The following SCYL2 variants were observed in gnomAD, a reference collection of about 807,000 sequenced individuals.
The protein encoded by SCYL2 is SCY1 like pseudokinase 2.
A neutral mutation model predicts 100.4 loss-of-function variants in SCYL2; 36 were observed. That is an observed-to-expected ratio of 0.36 (90% confidence interval 0.27 to 0.47). The LOEUF (loss-of-function observed/expected upper bound fraction) is 0.47, where lower values mean the gene tolerates loss of function less well. Among genes scored for constraint, SCYL2 ranks in the 20% least tolerant of loss-of-function variants. The pLI is 1.00. For synonymous variants in SCYL2, 330 were observed against 359.2 expected (o/e 0.92, Z 0.92); for missense variants, 902 against 1,083.9 (o/e 0.83, Z 2.36).
chr12:100,326,275 C>T (rs1407693078), intron 11 of SCYL2, among the ~76,000 whole-genome samples: 1 of 152,008 alleles, frequency 6.6e-6, no homozygotes, highest in Non-Finnish European at 1.5e-5. Flanking sequence ...GAATGTAGTC[C>T]TTTTTATTAT....
chr12:100,308,869 T>C (rs2096338127), intron 4 of SCYL2, among the ~76,000 whole-genome samples: 1 of 152,132 alleles, frequency 6.6e-6, no homozygotes, highest in African/African-American at 2.4e-5. Context: ...CTTTCTGCTG[T>C]TACAGGGTAG....
intron 6 of SCYL2, among the ~76,000 whole-genome samples, chr12:100,312,890 G>C (rs969213882): frequency 6.6e-6 from 1 of 152,190 alleles, no homozygotes; most frequent in Non-Finnish European, 1.5e-5. Flanking sequence ...GACCCAAGGC[G>C]GGTGGATCAC....
At chr12:100,331,096 G>A (rs947868110) in intron 13 of SCYL2, among the ~76,000 whole-genome samples, 1 of 152,064 alleles carries the variant, frequency 6.6e-6, no homozygotes, top group Admixed American at 6.5e-5. Flanking sequence ...AAAGTGCTGG[G>A]ATTACAGGCA....
chr12:100,271,760 T>G (rs775901425), intron 1 of SCYL2, among the ~76,000 whole-genome samples: 1 of 151,954 alleles, frequency 6.6e-6, no homozygotes, highest in Non-Finnish European at 1.5e-5. Flanking sequence ...TGCTTTATAA[T>G]ATTTTATTCT....
Position 100,291,492 on chromosome 12 carries a change from CT to C in SCYL2, c.178-7del. The C allele has an allele frequency of 6.8e-7, 1 of 1,473,468 alleles. No individual in the cohort carries two copies. Among genetic ancestry groups the C allele is most frequent in the Non-Finnish European group, 9.2e-7 (1 of 1,091,718 alleles). The allele number at this position is 1,473,468 out of a possible 1,614,324, so 91.3% of individuals were successfully genotyped here. A position where few individuals can be genotyped will look rare whatever the true frequency, so the allele number is the denominator to read the frequency against. ...ATTTCTTGACTAAAATTACACAATT[CT>C]TTTATTTAGGAAGTGGCAGTTTTTG... On this transcript the variant is annotated splice_polypyrimidine_tract_variant and intron_variant, in intron 2 of 17. Transcript: ENST00000360820.
At chr12:100,271,245 C>T (rs1185715405) in intron 1 of SCYL2, among the ~76,000 whole-genome samples, 1 of 130,206 alleles carries the variant, frequency 7.7e-6, no homozygotes, top group Non-Finnish European at 1.6e-5. Context: ...GTTAGCCCTG[C>T]TCCTTGCAGA....
At position 100,311,068 on chromosome 12, in the gene SCYL2, C is replaced by A; in HGVS notation, c.505C>A (p.His169Asn). The A allele has an allele frequency of 6.3e-7, 1 of 1,596,492 alleles. No individual in the cohort carries two copies. Among genetic ancestry groups the A allele is most frequent in the African/African-American group, 1.3e-5 (1 of 74,218 alleles). The part of the protein sequence containing the change: ...LQVSEGLSFL[H>N]SSVKMVHGNI... ...GGTTTCTGAAGGATTGTCATTCTTG[C>A]ATAGCAGTGTGAAAATGGTGCATGG... The change falls in exon 5 of 18, where the codon CAT becomes AAT. Residue 169 changes from histidine to asparagine, a missense_variant. By Grantham distance (68) the His-to-Asn change is moderately conservative. Transcript: ENST00000360820.
intron 2 of SCYL2, among the ~76,000 whole-genome samples, 171 bp from the exon 3 acceptor site, chr12:100,291,332 T>C (rs2096310367): frequency 6.6e-6 from 1 of 152,212 alleles, no homozygotes; most frequent in South Asian, 2.1e-4. Flanking sequence ...GTTTTACACC[T>C]TTTAAAATGT....
At chr12:100,282,507 G>A (rs1303274646) in intron 1 of SCYL2, among the ~76,000 whole-genome samples, 1 of 151,596 alleles carries the variant, frequency 6.6e-6, no homozygotes, top group Non-Finnish European at 1.5e-5. Context: ...TGTATTTTTG[G>A]TAGAGATGGC....
intron 17 of SCYL2, 76 bp downstream of exon 17, chr12:100,337,582 T>C (rs1253210695): frequency 1.5e-6 from 2 of 1,318,052 alleles, no homozygotes; most frequent in African/African-American, 1.5e-5. Context: ...CTTAGTCTAC[T>C]AGTATTTGTA....
At chr12:100,277,466 G>A (rs371874338) in intron 1 of SCYL2, among the ~76,000 whole-genome samples, 3 of 152,222 alleles carry the variant, frequency 2.0e-5, no homozygotes, top group African/African-American at 7.2e-5. Context: ...ATTTAGTATT[G>A]TTATGTCTTT....
chr12:100,313,014 A>C (rs920323988), intron 6 of SCYL2, among the ~76,000 whole-genome samples: 12 of 152,090 alleles, frequency 7.9e-5, no homozygotes, highest in African/African-American at 2.9e-4. Context: ...AGTCCCAGCT[A>C]CTTGGAAGGC....
chr12:100,268,701 A>G (rs1427016720), intron 1 of SCYL2, among the ~76,000 whole-genome samples: 1 of 152,158 alleles, frequency 6.6e-6, no homozygotes, highest in Non-Finnish European at 1.5e-5. Context: ...AGACAGATCA[A>G]CCCTGTTACT....
In SCYL2 at chr12:100,335,605, A is replaced by G. The variant is rs1952265249; in HGVS notation, c.1863-20A>G. The G allele has an allele frequency of 2.0e-6, 3 of 1,532,746 alleles. No homozygotes were observed. The highest frequency in any genetic ancestry group is 1.8e-6 in the Non-Finnish European group (2 of 1,126,040). 94.9% of individuals were successfully genotyped at this position (1,532,746 alleles called of 1,614,324 possible). ...ATGCATTTCTTTTTATTGTTTTATCATAATTCAACTCTCCTACAGATCTTT... is the reference window on the plus strand; with the variant it reads ...ATGCATTTCTTTTTATTGTTTTATCGTAATTCAACTCTCCTACAGATCTTT... On this transcript the variant is annotated intron_variant, in intron 14 of 17. Coordinates refer to ENST00000360820, the MANE Select transcript of SCYL2 (RefSeq NM_017988.6).
At chr12:100,319,561 C>T (rs758075045) in intron 10 of SCYL2, among the ~76,000 whole-genome samples, 2 of 152,184 alleles carry the variant, frequency 1.3e-5, no homozygotes, top group African/African-American at 2.4e-5. Context: ...CTTTGTTTTT[C>T]CAGGCTGGAG....
At chr12:100,321,021 C>G (rs958877350) in intron 10 of SCYL2, among the ~76,000 whole-genome samples, 1 of 152,166 alleles carries the variant, frequency 6.6e-6, no homozygotes, top group African/African-American at 2.4e-5. Flanking sequence ...CTTGACCTCC[C>G]ACGCTCTCTC....
At chr12:100,320,527 G>A (rs558732057) in intron 10 of SCYL2, among the ~76,000 whole-genome samples, 9 of 151,270 alleles carry the variant, frequency 5.9e-5, no homozygotes, top group Admixed American at 3.3e-4. Flanking sequence ...CAGCCTGGGC[G>A]ACAGAGTGAG....
At chr12:100,315,290 A>AGAG (rs2096347126) in intron 8 of SCYL2, among the ~76,000 whole-genome samples, 1 of 152,170 alleles carries the variant, frequency 6.6e-6, no homozygotes, top group Admixed American at 6.5e-5. Context: ...AAAAACAAAC[A>AGAG]TAGCGGTGGA....
At position 100,339,622 on chromosome 12, in the gene SCYL2, T is replaced by C. The variant is rs1475285704; in HGVS notation, c.*450T>C. ...TATGTAAAAAATCTTGATGCTGTAT[T>C]GATTTGTTTGCATTTAAGATGACAG... On this transcript the variant is annotated 3_prime_UTR_variant, in exon 18 of 18. Coordinates refer to ENST00000360820, the MANE Select transcript of SCYL2 (RefSeq NM_017988.6). The C allele has an allele frequency of 6.4e-6, 1 of 155,340 alleles. No individual in the cohort carries two copies. Among genetic ancestry groups the C allele is most frequent in the Admixed American group, 6.3e-5 (1 of 15,758 alleles). The allele number at this position is 155,340 out of a possible 1,614,324, so 9.6% of individuals were successfully genotyped here. A position where few individuals can be genotyped will look rare whatever the true frequency, so the allele number is the denominator to read the frequency against.
Sources: allele counts gnomAD v4.1 joint callset (sites outside exome capture counted in the v4.1 genomes callset), GRCh38; gene constraint gnomAD v4.1.1; transcripts MANE v1.5; gene names NCBI Gene and HGNC (gene_info 2026-07-23, HGNC 2026-07-21).